Variants in PXDNL observed in about 807,000 individuals in gnomAD.
PXDNL encodes peroxidasin like, also known as probable oxidoreductase PXDNL.
PXDNL carries 145 observed loss-of-function variants against 150.8 expected under a neutral mutation model. The ratio of observed to expected loss-of-function variants is 0.96; its 90% CI spans 0.84 to 1.10. The LOEUF is 1.10. Among genes scored for constraint, PXDNL ranks in the 50% least tolerant of loss-of-function variants. The pLI, the probability that PXDNL is intolerant of heterozygous loss-of-function variation, is 0.00. For synonymous variants in PXDNL, 757 were observed against 725.7 expected, an observed-to-expected ratio of 1.04 and a Z score of -0.69; for missense variants, 2,087 against 1,873.9, an observed-to-expected ratio of 1.11 and a Z score of -2.10.
chr8:51,535,092 G>GT (rs1388430610), intron 4 of PXDNL, among the ~76,000 whole-genome samples: 27 of 118,464 alleles, frequency 2.3e-4, no homozygotes, highest in Non-Finnish European at 4.0e-4. Context: ...CGGGAGGGTG[G>GT]TGGGGGGGTC....
intron 1 of PXDNL, among the ~76,000 whole-genome samples, chr8:51,775,519 C>T (rs1437624212): frequency 6.6e-6 from 1 of 152,110 alleles, no homozygotes; most frequent in African/African-American, 2.4e-5. Context: ...GGCAGAAGAA[C>T]ATAAATTGTG....
At chr8:51,485,825 C>T (rs1235048527) in intron 5 of PXDNL, among the ~76,000 whole-genome samples, 5 of 152,160 alleles carry the variant, frequency 3.3e-5, no homozygotes, top group East Asian at 3.9e-4. Context: ...TGTTGAATAA[C>T]CTTTTCTTCA....
intron 1 of PXDNL, among the ~76,000 whole-genome samples, chr8:51,749,774 C>T (rs1240811867): frequency 1.3e-5 from 2 of 152,158 alleles, no homozygotes; most frequent in Non-Finnish European, 2.9e-5. Context: ...GATCTCGGCT[C>T]ACTGCAACCT....
intron 2 of PXDNL, among the ~76,000 whole-genome samples, chr8:51,604,655 T>TA (rs534900065): frequency 3.9e-5 from 6 of 152,052 alleles, no homozygotes; most frequent in East Asian, 1.9e-4. Flanking sequence ...ATAATAATAA[T>TA]AAAAAAAATA....
Position 51,348,751 on chromosome 8 carries a change from A to G in PXDNL, c.3902-2804T>C, listed in dbSNP as rs147034033. Among the ~76,000 whole-genome samples, 514 of 152,272 alleles carry G rather than the reference A, an allele frequency of 3.4e-3. 2 individuals are homozygous for G. Among genetic ancestry groups the G allele is most frequent in the African/African-American group, 0.012 (488 of 41,562 alleles). On this transcript the variant is annotated intron_variant, in intron 19 of 22. Coordinates refer to ENST00000356297, the MANE Select transcript of PXDNL (RefSeq NM_144651.5). The stretch of plus-strand genomic sequence containing the variant: ...TATTTGAAACTTTACAATAACCTAT[A>G]CTCAATATTATCTTCCCTATTGTTA...
chr8:51,762,943 G>C (rs1385554309), intron 1 of PXDNL, among the ~76,000 whole-genome samples: 1 of 152,158 alleles, frequency 6.6e-6, no homozygotes, highest in African/African-American at 2.4e-5. Context: ...GCTTTCTTGA[G>C]ATATACTTTG....
intron 1 of PXDNL, among the ~76,000 whole-genome samples, chr8:51,760,256 A>G (rs2037147212): frequency 1.3e-5 from 2 of 152,166 alleles, no homozygotes; most frequent in Admixed American, 6.5e-5. Context: ...CTAACTCCAC[A>G]TTCTAGCTGG....
At chr8:51,608,017 G>A (rs1156765614) in intron 2 of PXDNL, among the ~76,000 whole-genome samples, 1 of 78,504 alleles carries the variant, frequency 1.3e-5, no homozygotes, top group African/African-American at 4.8e-5. Flanking sequence ...AAGAAAGAAA[G>A]AAAGAAAGAA....
intron 21 of PXDNL, among the ~76,000 whole-genome samples, chr8:51,332,635 A>AAC (rs1805723985): frequency 6.6e-6 from 1 of 152,114 alleles, no homozygotes; most frequent in South Asian, 2.1e-4. Flanking sequence ...GTGCTTAAAG[A>AAC]AAAAAACAAT....
At chr8:51,331,032 T>C (rs1563360582) in intron 21 of PXDNL, among the ~76,000 whole-genome samples, 1 of 152,094 alleles carries the variant, frequency 6.6e-6, no homozygotes, top group Non-Finnish European at 1.5e-5. Context: ...GCTTGCATTG[T>C]GAAACTTAAC....
chr8:51,781,790 A>G (rs2037417782), intron 1 of PXDNL, among the ~76,000 whole-genome samples: 1 of 152,130 alleles, frequency 6.6e-6, no homozygotes, highest in African/African-American at 2.4e-5. Context: ...CTTGCTATTC[A>G]ATATCCATTT....
At chr8:51,578,169 GGAAA>G (rs1370956980) in intron 3 of PXDNL, among the ~76,000 whole-genome samples, 5 of 148,662 alleles carry the variant, frequency 3.4e-5, no homozygotes, top group South Asian at 4.2e-4. Context: ...AAAGAAAGAA[GGAAA>G]GAAAGAAAAT....
At chr8:51,379,462 T>C (rs969152399) in intron 17 of PXDNL, among the ~76,000 whole-genome samples, 3 of 152,214 alleles carry the variant, frequency 2.0e-5, no homozygotes, top group African/African-American at 7.2e-5. Context: ...TACGTGTTGA[T>C]TGAAAATTTA....
intron 1 of PXDNL, among the ~76,000 whole-genome samples, chr8:51,695,471 A>AAC (rs1400457950): frequency 1.3e-5 from 2 of 152,064 alleles, no homozygotes; most frequent in Non-Finnish European, 2.9e-5. Flanking sequence ...CCAGTGCTAC[A>AAC]ACACACACAC....
chr8:51,621,849 G>A (rs1230876361), intron 2 of PXDNL, among the ~76,000 whole-genome samples: 4 of 151,454 alleles, frequency 2.6e-5, no homozygotes, highest in Admixed American at 2.6e-4. Flanking sequence ...TGAGGTGACA[G>A]GATCACTTGA....
chr8:51,325,207 A>G (rs767145778), intron 21 of PXDNL, among the ~76,000 whole-genome samples: 3 of 152,124 alleles, frequency 2.0e-5, no homozygotes, highest in Non-Finnish European at 4.4e-5. Context: ...CAACACCTCT[A>G]TCACTTCAGT....
intron 12 of PXDNL, among the ~76,000 whole-genome samples, chr8:51,427,583 G>C (rs1389077035): frequency 6.6e-6 from 1 of 152,096 alleles, no homozygotes; most frequent in Non-Finnish European, 1.5e-5. Flanking sequence ...ATGCAATACT[G>C]GTTCAATATT....
intron 4 of PXDNL, among the ~76,000 whole-genome samples, chr8:51,549,379 A>AT (rs1563460227): frequency 6.6e-6 from 1 of 152,076 alleles, no homozygotes; most frequent in South Asian, 2.1e-4. Context: ...GAACATATAT[A>AT]TTTTTTTCAT....
chr8:51,401,938 T>C (rs1463997661), intron 17 of PXDNL, among the ~76,000 whole-genome samples: 2 of 151,970 alleles, frequency 1.3e-5, no homozygotes, highest in African/African-American at 4.8e-5. Flanking sequence ...GACATGAATA[T>C]GAAAGTTGAT....
Sources: allele counts gnomAD v4.1 joint callset (sites outside exome capture counted in the v4.1 genomes callset), GRCh38; gene constraint gnomAD v4.1.1; transcripts MANE v1.5; gene names NCBI Gene and HGNC (gene_info 2026-07-23, HGNC 2026-07-21).